Variants in RORA observed in about 807,000 individuals in gnomAD.
RORA encodes the protein RAR related orphan receptor A.
In RORA, 7 loss-of-function variants were observed where a neutral mutation model predicts 69.5. That is an observed-to-expected ratio of 0.10 (90% CI 0.06 to 0.19). The LOEUF (loss-of-function observed/expected upper bound fraction) is 0.19, where lower values mean the gene tolerates loss of function less well. RORA is among the 10% of genes least tolerant of loss of function. The pLI is 1.00. For synonymous variants in RORA, 261 were observed against 240.8 expected (o/e 1.08, Z -0.78); for missense variants, 457 against 663.0 (o/e 0.69, Z 3.41).
intron 1 of RORA, among the ~76,000 whole-genome samples, chr15:60,933,194 A>C (rs1246152233): frequency 6.6e-6 from 1 of 152,130 alleles, no homozygotes; most frequent in South Asian, 2.1e-4. Context: ...CTTCCAACCC[A>C]AATTCTCCAC....
At chr15:60,885,928 T>C (rs1005965759) in intron 1 of RORA, among the ~76,000 whole-genome samples, 1 of 152,248 alleles carries the variant, frequency 6.6e-6, no homozygotes, top group African/African-American at 2.4e-5. Context: ...CCCTGAGCCA[T>C]CTTGTCTGTG....
intron 2 of RORA, among the ~76,000 whole-genome samples, chr15:60,636,994 G>C (rs2069852850): frequency 6.6e-6 from 1 of 152,014 alleles, no homozygotes; most frequent in Non-Finnish European, 1.5e-5. Flanking sequence ...AGGACATTCA[G>C]AGTGTTTAGA....
intron 2 of RORA, among the ~76,000 whole-genome samples, chr15:60,677,867 T>C (rs1212777691): frequency 6.6e-6 from 1 of 152,226 alleles, no homozygotes; most frequent in Non-Finnish European, 1.5e-5. Flanking sequence ...TGGTCTAAAA[T>C]AGTCATCAAA....
intron 1 of RORA, among the ~76,000 whole-genome samples, chr15:60,933,256 A>G (rs947118220): frequency 5.9e-5 from 9 of 152,120 alleles, no homozygotes; most frequent in Non-Finnish European, 1.3e-4. Flanking sequence ...CTGGTATTCA[A>G]ATCCCAATCT....
chr15:60,954,732 A>T (rs7182517), intron 1 of RORA, among the ~76,000 whole-genome samples: 1 of 152,138 alleles, frequency 6.6e-6, no homozygotes, highest in African/African-American at 2.4e-5. Context: ...AAGTAATTAC[A>T]GTTTTTGCCA....
chr15:60,633,651 T>C (rs970997336), intron 2 of RORA, among the ~76,000 whole-genome samples: 6 of 152,152 alleles, frequency 3.9e-5, no homozygotes, highest in Non-Finnish European at 7.4e-5. Context: ...AAAAGGCAGG[T>C]GTAGTTGGTA....
intron 1 of RORA, among the ~76,000 whole-genome samples, chr15:61,000,178 TAC>T (rs1312161800): frequency 2.0e-5 from 3 of 152,184 alleles, no homozygotes; most frequent in African/African-American, 7.2e-5. Context: ...TTTTGGAAAA[TAC>T]AGTTGATGGT....
intron 1 of RORA, among the ~76,000 whole-genome samples, chr15:61,130,336 C>T (rs917126550): frequency 6.6e-6 from 1 of 152,116 alleles, no homozygotes; most frequent in Non-Finnish European, 1.5e-5. Context: ...CAAAATCTTC[C>T]ACAACCCTCT....
In RORA at chr15:61,003,578, A is replaced by T. The variant is rs561069188; in HGVS notation, c.166+225475T>A. Among the ~76,000 whole-genome samples the T allele has an allele frequency of 4.6e-5, 7 of 152,310 alleles. No homozygotes were observed. The South Asian group carries it at 1.0e-3, about 23-fold the overall frequency. On this transcript the variant is annotated intron_variant, in intron 1 of 10. Coordinates refer to ENST00000335670, the MANE Select transcript of RORA (RefSeq NM_134261.3). The stretch of plus-strand genomic sequence containing the variant: ...CTAGATTTATCTTTGGTGCCTTCAT[A>T]AGCTTATTGTAGTCACACTGACCAT...
At chr15:60,868,151 A>G (rs2073510474) in intron 1 of RORA, among the ~76,000 whole-genome samples, 1 of 152,246 alleles carries the variant, frequency 6.6e-6, no homozygotes, top group African/African-American at 2.4e-5. Context: ...GTTAATAACT[A>G]CTGCTTGATT....
intron 1 of RORA, among the ~76,000 whole-genome samples, chr15:60,786,009 T>A (rs922078143): frequency 1.3e-5 from 2 of 152,216 alleles, no homozygotes; most frequent in African/African-American, 4.8e-5. Flanking sequence ...ATGAATGGAA[T>A]GAATGGATCC....
At chr15:60,597,625 TATATATAC>T (rs1278426401) in intron 2 of RORA, among the ~76,000 whole-genome samples, 2 of 50,384 alleles carry the variant, frequency 4.0e-5, no homozygotes, top group African/African-American at 1.9e-4. Context: ...TATACATACA[TATATATAC>T]ATATATATAT....
At chr15:60,631,047 A>G (rs2069726463) in intron 2 of RORA, among the ~76,000 whole-genome samples, 1 of 151,014 alleles carries the variant, frequency 6.6e-6, no homozygotes, top group Non-Finnish European at 1.5e-5. Flanking sequence ...CCACCACCAC[A>G]CCCAGCTAAT....
intron 1 of RORA, among the ~76,000 whole-genome samples, chr15:61,003,024 G>A (rs1181407580): frequency 4.0e-5 from 6 of 149,112 alleles, no homozygotes; most frequent in African/African-American, 1.5e-4. Context: ...GGCGCCTGTA[G>A]TCCCAGCTAC....
chr15:60,824,703 G>T (rs911975772), intron 1 of RORA, among the ~76,000 whole-genome samples: 1 of 152,208 alleles, frequency 6.6e-6, no homozygotes, highest in African/African-American at 2.4e-5. Context: ...TTGCTGTGAA[G>T]ATTAAGTGAG....
chr15:60,606,146 A>T (rs1349014716), intron 2 of RORA, among the ~76,000 whole-genome samples: 3 of 152,276 alleles, frequency 2.0e-5, no homozygotes, highest in Non-Finnish European at 4.4e-5. Context: ...TGCTTCTAAC[A>T]TATGGCAGCT....
chr15:60,493,949 TCACACACA>T lies in RORA; in HGVS notation c.*3498_*3505del, dbSNP rs71122860. On this transcript the variant is annotated 3_prime_UTR_variant, in exon 11 of 11. Transcript: ENST00000335670. ...CGCACACACATCATACACATGCAAA[TCACACACA>T]CACACACACACACACACACACACAC... The T allele has an allele frequency of 0.028, 4,047 of 143,988 alleles. 151 individuals carry two copies. Among genetic ancestry groups the T allele is most frequent in the African/African-American group, 0.086 (3,269 of 38,076 alleles). 8.9% of individuals were successfully genotyped at this position (143,988 alleles called of 1,614,324 possible). A position where few individuals can be genotyped will look rare whatever the true frequency, so the allele number is the denominator to read the frequency against.
chr15:60,532,976 T>C (rs535847823), intron 2 of RORA, among the ~76,000 whole-genome samples: 1 of 152,350 alleles, frequency 6.6e-6, no homozygotes, highest in Non-Finnish European at 1.5e-5. Flanking sequence ...CCAAAGAATA[T>C]GTCACATAGT....
chr15:61,146,440 C>T (rs1335934608), intron 1 of RORA, among the ~76,000 whole-genome samples: 4 of 135,812 alleles, frequency 2.9e-5, no homozygotes, highest in Non-Finnish European at 6.4e-5. Flanking sequence ...TACCTTCCTC[C>T]CCCCAACACA....
Sources: gnomAD v4.1 joint callset for allele counts (sites outside exome capture counted in the v4.1 genomes callset) on GRCh38, gnomAD v4.1.1 for gene constraint, MANE v1.5 for transcripts, NCBI Gene and HGNC (gene_info 2026-07-23, HGNC 2026-07-21) for gene names.